CRPPA: variants seen among roughly 807,000 people sequenced by gnomAD.
CRPPA encodes D-ribitol-5-phosphate cytidylyltransferase.
Under a neutral mutation model 52.0 loss-of-function variants are expected in CRPPA, and 43 were observed. The ratio of observed to expected loss-of-function variants is 0.83; its 90% confidence interval spans 0.65 to 1.07. The LOEUF (loss-of-function observed/expected upper bound fraction) is 1.07, where lower values mean the gene tolerates loss of function less well. CRPPA is among the 50% of genes least tolerant of loss of function. The pLI is 0.00. For synonymous variants in CRPPA, 250 were observed against 203.5 expected (o/e 1.23, Z -1.94); for missense variants, 629 against 551.7 (o/e 1.14, Z -1.40).
chr7:16,385,175 C>T (rs928711543), intron 2 of CRPPA, among the ~76,000 whole-genome samples: 55 of 151,674 alleles, frequency 3.6e-4, no homozygotes, highest in African/African-American at 1.3e-3. Flanking sequence ...ATAAAGGACA[C>T]CATTAAGTAC....
intron 2 of CRPPA, among the ~76,000 whole-genome samples, chr7:16,398,494 T>G (rs552894868): frequency 1.9e-4 from 29 of 152,114 alleles, no homozygotes; most frequent in African/African-American, 6.7e-4. Context: ...ATGACCTATA[T>G]CATTGGCACG....
At chr7:16,408,843 G>C (rs1304578204) in intron 1 of CRPPA, among the ~76,000 whole-genome samples, 5 of 152,200 alleles carry the variant, frequency 3.3e-5, no homozygotes, top group Admixed American at 2.0e-4. Context: ...GAGAAGATGT[G>C]ATGACAGAAG....
intron 2 of CRPPA, among the ~76,000 whole-genome samples, chr7:16,394,917 G>A (rs964807256): frequency 2.6e-5 from 4 of 152,274 alleles, no homozygotes; most frequent in South Asian, 4.1e-4. Context: ...AAATGCTCAC[G>A]TTAAAAGGCA....
At chr7:16,197,476 G>A (rs116869225) in intron 9 of CRPPA, among the ~76,000 whole-genome samples, 8,943 of 151,828 alleles carry the variant, frequency 0.059, 330 homozygotes, top group Non-Finnish European at 0.081. Context: ...TAGCTGGGAT[G>A]ACCGGTATGC....
At chr7:16,158,390 A>G (rs1218173336) in intron 9 of CRPPA, among the ~76,000 whole-genome samples, 4 of 152,144 alleles carry the variant, frequency 2.6e-5, no homozygotes, top group Non-Finnish European at 5.9e-5. Flanking sequence ...GCAAATATTT[A>G]TGAATAAATT....
At chr7:16,348,134 G>A (rs1307725587) in intron 3 of CRPPA, among the ~76,000 whole-genome samples, 2 of 152,138 alleles carry the variant, frequency 1.3e-5, no homozygotes, top group African/African-American at 2.4e-5. Flanking sequence ...CTGGCAACCT[G>A]AGCAGCAGAT....
intron 3 of CRPPA, among the ~76,000 whole-genome samples, chr7:16,351,839 G>A (rs1786162900): frequency 6.6e-6 from 1 of 152,156 alleles, no homozygotes; most frequent in Non-Finnish European, 1.5e-5. Flanking sequence ...TTCAACCATT[G>A]TGGAAGACAG....
At chr7:16,200,436 A>G (rs994780634) in intron 9 of CRPPA, among the ~76,000 whole-genome samples, 4 of 152,214 alleles carry the variant, frequency 2.6e-5, no homozygotes, top group Admixed American at 6.5e-5. Context: ...AGTAACATCG[A>G]CAATGATCAT....
At chr7:16,120,641 T>A (rs1782463905) in intron 9 of CRPPA, among the ~76,000 whole-genome samples, 1 of 152,136 alleles carries the variant, frequency 6.6e-6, no homozygotes, top group Non-Finnish European at 1.5e-5. Flanking sequence ...AATCTCTACT[T>A]TTCCTTGCTG....
At chr7:16,251,927 A>C (rs975429218) in intron 8 of CRPPA, among the ~76,000 whole-genome samples, 1 of 152,196 alleles carries the variant, frequency 6.6e-6, no homozygotes, top group African/African-American at 2.4e-5. Context: ...CAAAAAAATC[A>C]GTGAGTCCAG....
intron 7 of CRPPA, 33 bp downstream of exon 7, chr7:16,258,887 C>G (rs747466513): frequency 7.2e-7 from 1 of 1,386,786 alleles, no homozygotes. Context: ...TGTTCATATC[C>G]TTAAGTGCCT....
intron 3 of CRPPA, among the ~76,000 whole-genome samples, chr7:16,320,351 C>T (rs1785234906): frequency 6.6e-6 from 1 of 151,996 alleles, no homozygotes; most frequent in South Asian, 2.1e-4. Flanking sequence ...ATGAATATGA[C>T]TCAGAGGGAC....
chr7:16,393,997 GTAAA>G (rs60365913), intron 2 of CRPPA, among the ~76,000 whole-genome samples: 19,691 of 151,984 alleles, frequency 0.13, 1,693 homozygotes, highest in East Asian at 0.24. Context: ...GCATTTTCCA[GTAAA>G]TAGACTGGAG....
At chr7:16,352,478 A>G (rs57548226) in intron 3 of CRPPA, among the ~76,000 whole-genome samples, 4,539 of 152,248 alleles carry the variant, frequency 0.03, 108 homozygotes, top group East Asian at 0.15. Context: ...AAAGACATAC[A>G]AAGGTCCAGA....
At chr7:16,350,993 C>A (rs1654914961) in intron 3 of CRPPA, among the ~76,000 whole-genome samples, 1 of 152,020 alleles carries the variant, frequency 6.6e-6, no homozygotes, top group African/African-American at 2.4e-5. Context: ...ACTGTAAAAA[C>A]AGACAAAGAC....
chr7:16,403,466 C>A (rs567369369), intron 2 of CRPPA, among the ~76,000 whole-genome samples: 1 of 152,172 alleles, frequency 6.6e-6, no homozygotes, highest in East Asian at 1.9e-4. Flanking sequence ...CACCCCTCCC[C>A]CTAAAGATAA....
intron 5 of CRPPA, among the ~76,000 whole-genome samples, chr7:16,283,008 A>G (rs1160093890): frequency 1.3e-5 from 2 of 152,042 alleles, no homozygotes; most frequent in Non-Finnish European, 2.9e-5. Flanking sequence ...TTTTCCTTTT[A>G]TATTTTCAAA....
intron 9 of CRPPA, among the ~76,000 whole-genome samples, chr7:16,184,599 C>T (rs1781470904): frequency 6.6e-6 from 1 of 152,146 alleles, no homozygotes; most frequent in South Asian, 2.1e-4. Flanking sequence ...ATGGCAGAGA[C>T]ACCCCAGGGC....
chr7:16,401,403 T>G (rs551776713), intron 2 of CRPPA, among the ~76,000 whole-genome samples: 46 of 152,326 alleles, frequency 3.0e-4, no homozygotes, highest in African/African-American at 1.1e-3. Flanking sequence ...CAGACTGCTA[T>G]GATTTATAAC....
Sources: gnomAD v4.1 joint callset for allele counts (sites outside exome capture counted in the v4.1 genomes callset) on GRCh38, gnomAD v4.1.1 for gene constraint, MANE v1.5 for transcripts, NCBI Gene and HGNC (gene_info 2026-07-23, HGNC 2026-07-21) for gene names.